Variants in CCDC66 observed in about 807,000 individuals in gnomAD.
The protein encoded by CCDC66 is coiled-coil domain-containing protein 66.
Under a neutral mutation model 128.3 loss-of-function variants are expected in CCDC66, and 133 were observed. The observed-to-expected ratio is 1.04, with a 90% confidence interval of 0.90 to 1.20. The LOEUF (loss-of-function observed/expected upper bound fraction) is 1.20, where lower values mean the gene tolerates loss of function less well. CCDC66 is among the 50% of genes most tolerant of loss of function. The pLI is 0.00. For synonymous variants in CCDC66, 387 were observed against 357.0 expected (o/e 1.08, Z -0.95); for missense variants, 1,126 against 1,075.5 (o/e 1.05, Z -0.66).
intron 10 of CCDC66, among the ~76,000 whole-genome samples, chr3:56,598,971 T>A (rs1300753116): frequency 6.6e-6 from 1 of 152,074 alleles, no homozygotes; most frequent in South Asian, 2.1e-4. Context: ...TCTTTGATTT[T>A]TTTGGAATAG....
intron 8 of CCDC66, 62 bp from the exon 9 acceptor site, chr3:56,593,429 T>C: frequency 2.6e-6 from 4 of 1,555,970 alleles, no homozygotes; most frequent in Non-Finnish European, 3.5e-6. Flanking sequence ...TTGGTTGTCA[T>C]TTAGAATTAT....
Position 56,593,565 on chromosome 3 carries a change from C to G in CCDC66, c.1143C>G (p.Phe381Leu). ...ATCCTGGTTCTCAATCTCAGCTGTT[C>G]TCTCAGTCAACACACAAACAACCTG... ...KSYPGSQSQL[F>L]SQSTHKQPEY... The change falls in exon 9 of 18, where the codon TTC (phenylalanine) becomes TTG (leucine). Residue 381 changes from phenylalanine (F) to leucine (L), a missense_variant. By Grantham distance (22) the Phe-to-Leu change is conservative. Transcript: ENST00000394672. 6.2e-7 allele frequency: 1 copy of G among 1,614,098 alleles called. No homozygotes were observed. Among genetic ancestry groups the G allele is most frequent in the Non-Finnish European group, 8.5e-7 (1 of 1,179,970 alleles).
intron 10 of CCDC66, among the ~76,000 whole-genome samples, chr3:56,597,948 A>AT (rs1422722245): frequency 1.3e-5 from 2 of 149,570 alleles, no homozygotes; most frequent in Non-Finnish European, 3.0e-5. Context: ...TAATTTTTGT[A>AT]TTTTTTTAGT....
intron 10 of CCDC66, among the ~76,000 whole-genome samples, chr3:56,613,254 T>G (rs1421105415): frequency 6.6e-6 from 1 of 152,202 alleles, no homozygotes; most frequent in East Asian, 1.9e-4. Flanking sequence ...GTCAAGGGGC[T>G]GTTTGATGGT....
In CCDC66 at chr3:56,560,596, G is replaced by A. The variant is rs527351678; in HGVS notation, c.102+1002G>A. On this transcript the variant is annotated intron_variant, in intron 3 of 17. Coordinates refer to ENST00000394672, the MANE Select transcript of CCDC66 (RefSeq NM_001141947.3). ...AAATACAAAAATTAGATGTGGTGGC[G>A]CTAGTCCCAGCTACTTAGGAGGCTG... Among the ~76,000 whole-genome samples the A allele has an allele frequency of 3.4e-4, 51 of 152,146 alleles. No individual in the cohort carries two copies. In the South Asian group the frequency reaches 5.4e-3, roughly 16 times the overall value.
chr3:56,584,335 C>T (rs185132872), intron 7 of CCDC66, among the ~76,000 whole-genome samples: 1,686 of 140,730 alleles, frequency 0.012, 40 homozygotes, highest in African/African-American at 0.043. Context: ...ACTTCTCAGA[C>T]GGGGCGGCTG....
chr3:56,600,423 A>C (rs2072958014), intron 10 of CCDC66, among the ~76,000 whole-genome samples: 2 of 151,994 alleles, frequency 1.3e-5, no homozygotes, highest in African/African-American at 4.8e-5. Context: ...CTGGGATTAC[A>C]GGCATGAGCC....
intron 6 of CCDC66, among the ~76,000 whole-genome samples, chr3:56,568,073 A>G (rs967814022): frequency 6.6e-6 from 1 of 152,126 alleles, no homozygotes; most frequent in African/African-American, 2.4e-5. Flanking sequence ...CAGACCTTTA[A>G]AGGTGTCAGA....
chr3:56,599,168 T>C (rs1157222154), intron 10 of CCDC66, among the ~76,000 whole-genome samples: 1 of 152,066 alleles, frequency 6.6e-6, no homozygotes, highest in Non-Finnish European at 1.5e-5. Flanking sequence ...CTCCAGGAAT[T>C]TATCCATTTC....
At chr3:56,581,430 C>A (rs2068351286) in intron 7 of CCDC66, among the ~76,000 whole-genome samples, 1 of 151,870 alleles carries the variant, frequency 6.6e-6, no homozygotes, top group East Asian at 2.0e-4. Context: ...AAGTCATTCT[C>A]TGTCCAGCTT....
chr3:56,569,030 A>G (rs1421192148), intron 6 of CCDC66, among the ~76,000 whole-genome samples: 2 of 152,312 alleles, frequency 1.3e-5, no homozygotes, highest in East Asian at 3.9e-4. Context: ...CTTGGCTGGG[A>G]TAGATGATTT....
intron 7 of CCDC66, among the ~76,000 whole-genome samples, chr3:56,578,587 A>G (rs539622426): frequency 1.3e-5 from 2 of 151,830 alleles, no homozygotes; most frequent in African/African-American, 2.4e-5. Flanking sequence ...CGTTCCATCA[A>G]TACCTAGTTT....
intron 13 of CCDC66, 21 bp from the exon 14 acceptor site, chr3:56,617,091 T>A (rs781723387): frequency 6.7e-7 from 1 of 1,496,412 alleles, no homozygotes; most frequent in East Asian, 2.3e-5. Flanking sequence ...TTTTTAAAAA[T>A]CATTTGCAAC....
chr3:56,615,779 G>A (rs1180707828), intron 12 of CCDC66, 143 bp from the exon 13 acceptor site: 1 of 546,294 alleles, frequency 1.8e-6, no homozygotes, highest in African/African-American at 2.0e-5. Flanking sequence ...TAACTGATAG[G>A]AATGTGGGTA....
At chr3:56,560,846 C>T in intron 3 of CCDC66, 1 of 454,452 alleles carries the variant, frequency 2.2e-6, no homozygotes, top group Non-Finnish European at 4.4e-6. Context: ...ACTACAGCCC[C>T]CTTTTATCTT....
At chr3:56,599,839 A>G (rs992474097) in intron 10 of CCDC66, among the ~76,000 whole-genome samples, 19 of 152,104 alleles carry the variant, frequency 1.2e-4, no homozygotes, top group Non-Finnish European at 7.3e-5. Context: ...TGCTAATGAA[A>G]AGAATGTGTA....
At chr3:56,596,512 T>TTGAATATTCAAACTAC (rs1457140202) in intron 10 of CCDC66, among the ~76,000 whole-genome samples, 2 of 150,960 alleles carry the variant, frequency 1.3e-5, no homozygotes, top group Non-Finnish European at 2.9e-5. Context: ...ATGCAAGCTA[T>TTGAATATTCAAACTAC]TGAATATTCA....
chr3:56,582,845 TTTCTTTATTA>T lies in CCDC66; in HGVS notation c.937-10122_937-10113del, dbSNP rs1406020686. Among the ~76,000 whole-genome samples the T allele has an allele frequency of 7.8e-5, 10 of 127,882 alleles. 1 individual carries two copies. Among genetic ancestry groups the T allele is most frequent in the East Asian group, 7.6e-4 (3 of 3,944 alleles). The allele number at this position is 127,882 out of a possible 152,430, so 83.9% of individuals were successfully genotyped here. ...TCTTTCCCTTTTTTGACTTCTCAAC[TTTCTTTATTA>T]TTATTATTATTATTATTATTATTAT... is the stretch of plus-strand genomic sequence containing the variant. On this transcript the variant is annotated intron_variant, in intron 7 of 17. Coordinates refer to ENST00000394672, the MANE Select transcript of CCDC66 (RefSeq NM_001141947.3).
chr3:56,558,643 A>C, intron 1 of CCDC66: 1 of 587,930 alleles, frequency 1.7e-6, no homozygotes, highest in Non-Finnish European at 3.1e-6. Context: ...AGTATTGAAG[A>C]GTTTCAAGAA....
Sources: gnomAD v4.1 joint callset for allele counts (sites outside exome capture counted in the v4.1 genomes callset) on GRCh38, gnomAD v4.1.1 for gene constraint, MANE v1.5 for transcripts, NCBI Gene and HGNC (gene_info 2026-07-23, HGNC 2026-07-21) for gene names.